Variants in PALS2 observed in about 807,000 individuals in gnomAD.
PALS2 encodes protein PALS2.
A neutral mutation model predicts 61.6 loss-of-function variants in PALS2; 27 were observed. The ratio of observed to expected loss-of-function variants is 0.44; its 90% CI spans 0.32 to 0.60. The LOEUF is 0.60. Ranked by LOEUF, PALS2 falls within the 20% of genes least tolerant of loss-of-function variation. The pLI is 0.05. For synonymous variants in PALS2, 236 were observed against 218.6 expected, an observed-to-expected ratio of 1.08 and a Z score of -0.70; for missense variants, 554 against 639.4, an observed-to-expected ratio of 0.87 and a Z score of 1.44.
intron 11 of PALS2, among the ~76,000 whole-genome samples, chr7:24,681,738 A>C (rs1468596001): frequency 1.3e-5 from 2 of 152,138 alleles, no homozygotes; most frequent in African/African-American, 4.8e-5. Context: ...AATAATGAAC[A>C]TGTCCATCAT....
chr7:24,574,031 TGA>T (rs1408484626), intron 1 of PALS2: 4 of 151,974 alleles, frequency 2.6e-5, no homozygotes, highest in Non-Finnish European at 5.9e-5. Flanking sequence ...CGGTGGAGCC[TGA>T]ATGGAGAGCC....
At chr7:24,611,174 C>T (rs545412945) in intron 1 of PALS2, among the ~76,000 whole-genome samples, 1 of 152,046 alleles carries the variant, frequency 6.6e-6, no homozygotes, top group South Asian at 2.1e-4. Context: ...AGAATATAGG[C>T]GAATAAATAA....
intron 3 of PALS2, among the ~76,000 whole-genome samples, chr7:24,644,095 C>CTTTTTTTTTTTTTTTTTTTTT (rs59645237): frequency 7.4e-6 from 1 of 134,262 alleles, no homozygotes; most frequent in African/African-American, 2.7e-5. Flanking sequence ...TTTCTTTTTT[C>CTTTTTTTTTTTTTTTTTTTTT]TTTTTTTTTT....
rs201002572 is a variant in PALS2 at position 24,649,780 on chromosome 7, T to G, written c.423+16T>G. On this transcript the variant is annotated intron_variant, in intron 4 of 11. Transcript: ENST00000222644. ...GGAACCACTGGTGAGTACAGATAAA[T>G]CAGTACCCTATTAAATCTGAAATAT... The G allele has an allele frequency of 3.1e-5, 48 of 1,562,450 alleles. No homozygotes were observed. The African/African-American group carries it at 6.4e-4, about 21-fold the overall frequency.
chr7:24,622,625 ATAAAT>A (rs2128057030), intron 1 of PALS2, among the ~76,000 whole-genome samples: 1 of 151,652 alleles, frequency 6.6e-6, no homozygotes, highest in African/African-American at 2.4e-5. Context: ...ATCTGCAAAT[ATAAAT>A]TGTTTTACTT....
At chr7:24,589,252 C>T (rs1487082639) in intron 1 of PALS2, 2 of 152,154 alleles carry the variant, frequency 1.3e-5, no homozygotes, top group Non-Finnish European at 2.9e-5. Flanking sequence ...ACCAAGTTGC[C>T]TCATTGATAG....
chr7:24,590,980 C>T (rs1370218951), intron 1 of PALS2, among the ~76,000 whole-genome samples: 1 of 151,962 alleles, frequency 6.6e-6, no homozygotes, highest in Non-Finnish European at 1.5e-5. Context: ...TGTTTTCTAA[C>T]TTCTAAGCAG....
At chr7:24,657,137 C>G (rs1786459601) in intron 5 of PALS2, among the ~76,000 whole-genome samples, 1 of 152,086 alleles carries the variant, frequency 6.6e-6, no homozygotes, top group African/African-American at 2.4e-5. Flanking sequence ...TATCCATTAC[C>G]TGGCTGATGA....
In PALS2 at chr7:24,587,549, T is replaced by A. The variant is rs573295764; in HGVS notation, c.-3+13956T>A. 1.3e-4 allele frequency among the ~76,000 whole-genome samples: 17 copies of A among 132,748 alleles called. No individual in the cohort carries two copies. The South Asian group carries it at 1.9e-3, about 15-fold the overall frequency. 87.1% of individuals were successfully genotyped at this position (132,748 alleles called of 152,430 possible). A position where few individuals can be genotyped will look rare whatever the true frequency, so the allele number is the denominator to read the frequency against. On this transcript the variant is annotated intron_variant, in intron 1 of 11. Transcript: ENST00000222644. ...CCAGCTAATTTTTTTTTTTTTTTTT[T>A]AATGTTTTTAGAGTCCAGGTCTCAC...
At chr7:24,645,456 T>G (rs1308124011) in intron 3 of PALS2, among the ~76,000 whole-genome samples, 1 of 152,096 alleles carries the variant, frequency 6.6e-6, no homozygotes, top group Non-Finnish European at 1.5e-5. Context: ...TAAGCTCTCT[T>G]TTCTGTTCCA....
intron 1 of PALS2, 27 bp from the exon 2 acceptor site, chr7:24,623,636 TTTG>T: frequency 1.5e-6 from 2 of 1,361,384 alleles, no homozygotes; most frequent in Non-Finnish European, 2.0e-6. Context: ...TGTTTGTTTG[TTTG>T]TTTTTATGTT....
Position 24,691,399 on chromosome 7 carries a change from GTGTGTGTATA to G in PALS2, c.*3787_*3796del, listed in dbSNP as rs1186973654. The G allele has an allele frequency of 8.9e-6, 1 of 112,628 alleles. No homozygotes were observed. The highest frequency in any genetic ancestry group is 3.8e-3 in the Middle Eastern group (1 of 264). The allele number at this position is 112,628 out of a possible 1,614,324, so 7.0% of individuals were successfully genotyped here. On this transcript the variant is annotated 3_prime_UTR_variant, in exon 12 of 12. Coordinates refer to ENST00000222644, the MANE Select transcript of PALS2 (RefSeq NM_001303037.2). ...TGCCATATATTATGTATGTGTGTGT[GTGTGTGTATA>G]TATATATATATATATATATATATAT...
rs1235701016 is a variant in PALS2 at position 24,573,602 on chromosome 7, A to G, written c.-3+9A>G. On this transcript the variant is annotated intron_variant, in intron 1 of 11. Transcript: ENST00000222644. The surrounding 1 kb of genome is among the most constrained non-coding windows in gnomAD (Gnocchi z 5.3). ...GGCTGAGGTGCGAGCCGGTGAGTTA[A>G]CTGGACCCCCACGCCGCTCGGGTAA... is the stretch of plus-strand genomic sequence containing the variant. 2.8e-6 allele frequency: 1 copy of G among 360,566 alleles called. No individual in the cohort carries two copies. Among genetic ancestry groups the G allele is most frequent in the South Asian group, 1.3e-4 (1 of 7,482 alleles). 22.3% of individuals were successfully genotyped at this position (360,566 alleles called of 1,614,324 possible).
intron 1 of PALS2, among the ~76,000 whole-genome samples, chr7:24,593,515 G>C (rs186632716): frequency 6.6e-6 from 1 of 152,036 alleles, no homozygotes; most frequent in Non-Finnish European, 1.5e-5. Flanking sequence ...GGCAGCTATC[G>C]TCTTATGAGA....
At chr7:24,626,191 A>T (rs1296860496) in intron 2 of PALS2, among the ~76,000 whole-genome samples, 1 of 152,214 alleles carries the variant, frequency 6.6e-6, no homozygotes, top group Non-Finnish European at 1.5e-5. Context: ...TTTTAGGATC[A>T]AAAATACAGT....
chr7:24,615,260 G>T (rs1051123763), intron 1 of PALS2, among the ~76,000 whole-genome samples: 2 of 151,648 alleles, frequency 1.3e-5, no homozygotes, highest in Non-Finnish European at 3.0e-5. Context: ...AAACTCAAAG[G>T]TAGTGAAAGG....
At position 24,667,306 on chromosome 7, in the gene PALS2, G is replaced by A. The variant is rs573441523; in HGVS notation, c.953-1193G>A. On this transcript the variant is annotated intron_variant, in intron 8 of 11. Transcript: ENST00000222644. The stretch of plus-strand genomic sequence containing the variant: ...GGTTATGTTTCTAGTGAAACAGTTG[G>A]ATCTAAAATTTATTTTATATGTAAA... Among the ~76,000 whole-genome samples, 29 of 152,144 alleles carry A rather than the reference G, an allele frequency of 1.9e-4. 3 individuals carry two copies. In the South Asian group the frequency reaches 6.0e-3, roughly 32 times the overall value.
Position 24,680,336 on chromosome 7 carries a change from G to A in PALS2, c.1318-56G>A. 3 of 1,538,696 alleles carry A rather than the reference G, an allele frequency of 1.9e-6. No individual in the cohort carries two copies. In the South Asian group the frequency reaches 3.4e-5, roughly 17 times the overall value. Reference sequence around the variant, plus strand: ...AGCCTTTGATATATACTAAAGGGTAGCAGAATTCTAGTTCTAATATTGTAT... The same window carrying A: ...AGCCTTTGATATATACTAAAGGGTAACAGAATTCTAGTTCTAATATTGTAT... On this transcript the variant is annotated intron_variant, in intron 10 of 11. Coordinates refer to ENST00000222644, the MANE Select transcript of PALS2 (RefSeq NM_001303037.2).
chr7:24,671,596 A>T (rs1258817362), intron 9 of PALS2, among the ~76,000 whole-genome samples: 1 of 152,136 alleles, frequency 6.6e-6, no homozygotes, highest in Non-Finnish European at 1.5e-5. Flanking sequence ...GTATGGTACC[A>T]TATCAAGGCT....
Sources: allele counts gnomAD v4.1 joint callset (sites outside exome capture counted in the v4.1 genomes callset), GRCh38; gene constraint gnomAD v4.1.1; non-coding constraint Gnocchi (gnomAD v3.1); transcripts MANE v1.5; gene names NCBI Gene and HGNC (gene_info 2026-07-23, HGNC 2026-07-21).